The following VDAC1 variants were observed in gnomAD, a reference collection of about 807,000 sequenced individuals.
The protein encoded by VDAC1 is voltage dependent anion channel 1, also known as non-selective voltage-gated ion channel VDAC1.
A neutral mutation model predicts 34.7 loss-of-function variants in VDAC1; 10 were observed. The observed-to-expected ratio is 0.29, with a 90% CI of 0.18 to 0.49. VDAC1 has a LOEUF of 0.49. Among genes scored for constraint, VDAC1 ranks in the 20% least tolerant of loss-of-function variants. The pLI is 0.99. For synonymous variants in VDAC1, 130 were observed against 136.0 expected (o/e 0.96, Z 0.30); for missense variants, 230 against 347.9 (o/e 0.66, Z 2.69).
chr5:134,035,123 T>C, the VDAC1 span, among the ~76,000 whole-genome samples: 12 of 151,996 alleles, frequency 7.9e-5, no homozygotes, highest in African/African-American at 2.9e-4. Context: ...ACCAGGCTCT[T>C]GGAGAAATGG....
intron 5 of VDAC1, 52 bp from the exon 6 acceptor site, chr5:133,981,008 C>A: frequency 2.1e-6 from 3 of 1,454,210 alleles, no homozygotes; most frequent in Admixed American, 2.0e-5. Flanking sequence ...CCTTGAAATG[C>A]AAGTTGTCTT....
intron 8 of VDAC1, among the ~76,000 whole-genome samples, chr5:133,973,291 A>G (rs1178920964): frequency 2.6e-5 from 4 of 152,236 alleles, no homozygotes; most frequent in African/African-American, 9.6e-5. Context: ...AGATGCACAC[A>G]ACAAACTGAC....
At chr5:134,102,172 G>C in the VDAC1 span, among the ~76,000 whole-genome samples, 17 of 152,170 alleles carry the variant, frequency 1.1e-4, no homozygotes, top group African/African-American at 3.9e-4. Context: ...CACCAGGGGG[G>C]GTCTGTGAGC....
the VDAC1 span, among the ~76,000 whole-genome samples, chr5:134,080,400 G>A: frequency 7.4e-4 from 112 of 151,174 alleles, no homozygotes; most frequent in African/African-American, 2.6e-3. Flanking sequence ...CTCCCTGTGG[G>A]ACCTGGGGCA....
the VDAC1 span, among the ~76,000 whole-genome samples, chr5:134,070,302 C>T: frequency 1.3e-5 from 2 of 152,134 alleles, no homozygotes; most frequent in East Asian, 1.9e-4. Flanking sequence ...CCAGCATGCT[C>T]GGTTAATTTT....
chr5:134,049,320 C>G, the VDAC1 span, among the ~76,000 whole-genome samples: 11 of 152,150 alleles, frequency 7.2e-5, no homozygotes, highest in African/African-American at 2.7e-4. Flanking sequence ...TCTCCAACTC[C>G]TGGCCTCAAG....
intron 1 of VDAC1, among the ~76,000 whole-genome samples, chr5:134,000,610 C>T (rs1006781831): frequency 2.0e-5 from 3 of 152,160 alleles, no homozygotes; most frequent in African/African-American, 7.2e-5. Context: ...TCAAATAGAC[C>T]TGAGTTCTAA....
chr5:133,973,308 T>C (rs570998713), intron 8 of VDAC1, among the ~76,000 whole-genome samples: 45 of 152,232 alleles, frequency 3.0e-4, no homozygotes, highest in Non-Finnish European at 4.6e-4. Context: ...TGACATTCCC[T>C]GGAATAACCT....
upstream of VDAC1, among the ~76,000 whole-genome samples, chr5:134,006,117 G>A (rs1753743591): frequency 6.6e-6 from 1 of 152,188 alleles, no homozygotes; most frequent in Admixed American, 6.5e-5. Context: ...AGGTTACCTA[G>A]GCCCTGTGTA....
At chr5:134,072,648 C>T in the VDAC1 span, among the ~76,000 whole-genome samples, 1 of 152,190 alleles carries the variant, frequency 6.6e-6, no homozygotes, top group African/African-American at 2.4e-5. Flanking sequence ...CTGGACCATC[C>T]TCAGGTGCAG....
At chr5:134,033,378 G>A in the VDAC1 span, among the ~76,000 whole-genome samples, 5 of 151,430 alleles carry the variant, frequency 3.3e-5, no homozygotes, top group African/African-American at 7.3e-5. Flanking sequence ...GGATGGTCTC[G>A]ATCTCCTAAC....
the VDAC1 span, among the ~76,000 whole-genome samples, chr5:134,042,649 G>A: frequency 4.5e-4 from 68 of 152,198 alleles, 1 homozygote; most frequent in African/African-American, 1.1e-3. Context: ...ATGCACTACT[G>A]TGCCTGGCTA....
the VDAC1 span, among the ~76,000 whole-genome samples, chr5:134,087,207 CCCT>C: frequency 6.6e-6 from 1 of 152,124 alleles, no homozygotes; most frequent in Admixed American, 6.6e-5. Context: ...GGGTTCGCGT[CCCT>C]CCTCTGTTTG....
the VDAC1 span, among the ~76,000 whole-genome samples, chr5:134,104,432 G>T: frequency 6.6e-6 from 1 of 152,196 alleles, no homozygotes; most frequent in Non-Finnish European, 1.5e-5. Context: ...TACGTGCAGG[G>T]CGAGAGGCAC....
upstream of VDAC1, among the ~76,000 whole-genome samples, chr5:134,009,248 T>C (rs13182238): frequency 8.8e-6 from 1 of 114,204 alleles, no homozygotes; most frequent in African/African-American, 3.9e-5. Flanking sequence ...TTATCAATTC[T>C]TTTTTTTTTT....
At chr5:133,976,296 A>T (rs754331556) in intron 6 of VDAC1, 11 of 314,028 alleles carry the variant, frequency 3.5e-5, no homozygotes, top group Non-Finnish European at 5.4e-5. Context: ...ACTTGAGGTC[A>T]GGGGTTTGAG....
At chr5:133,999,203 G>C (rs1022333851) in intron 1 of VDAC1, among the ~76,000 whole-genome samples, 1 of 152,184 alleles carries the variant, frequency 6.6e-6, no homozygotes, top group Admixed American at 6.5e-5. Flanking sequence ...AGGCAGATGA[G>C]CTTTGCACCC....
intron 5 of VDAC1, among the ~76,000 whole-genome samples, chr5:133,986,546 G>A (rs1405875953): frequency 6.6e-6 from 1 of 151,962 alleles, no homozygotes; most frequent in African/African-American, 2.4e-5. Context: ...ACAGGTGTGC[G>A]CCACCACACC....
At chr5:134,055,594 T>TG in the VDAC1 span, among the ~76,000 whole-genome samples, 1 of 32,308 alleles carries the variant, frequency 3.1e-5, no homozygotes, top group East Asian at 8.9e-4. Flanking sequence ...TAATGTTTTT[T>TG]TTTTTTTTTT....
Sources: gnomAD v4.1 joint callset for allele counts (sites outside exome capture counted in the v4.1 genomes callset) on GRCh38, gnomAD v4.1.1 for gene constraint, MANE v1.5 for transcripts, NCBI Gene and HGNC (gene_info 2026-07-23, HGNC 2026-07-21) for gene names.